The following IGSF11 variants were observed in gnomAD, a reference collection of about 807,000 sequenced individuals.
IGSF11 encodes the protein CXADR like 1.
A neutral mutation model predicts 41.0 loss-of-function variants in IGSF11; 22 were observed. The ratio of observed to expected loss-of-function variants is 0.54; its 90% CI spans 0.38 to 0.77. The LOEUF is 0.77. Ranked by LOEUF, IGSF11 falls within the 30% of genes least tolerant of loss-of-function variation. The pLI, the probability that IGSF11 is intolerant of heterozygous loss-of-function variation, is 0.00. For missense variants in IGSF11, 444 were observed against 530.8 expected (o/e 0.84, Z 1.61); for synonymous variants, 219 against 201.3 (o/e 1.09, Z -0.74).
At chr3:119,079,504 A>G (rs949537327) in intron 1 of IGSF11, among the ~76,000 whole-genome samples, 13 of 152,262 alleles carry the variant, frequency 8.5e-5, no homozygotes, top group Admixed American at 2.6e-4. Context: ...AAAGAGAACT[A>G]CCATTCAACC....
chr3:118,930,128 G>A lies in IGSF11; in HGVS notation c.200C>T (p.Ala67Val), dbSNP rs1307469562. The change falls in exon 2 of 7, where the codon GCC (alanine) becomes GTC (valine). Residue 67 changes from alanine to valine, a missense_variant. Coordinates refer to ENST00000393775, the MANE Select transcript of IGSF11 (RefSeq NM_001015887.3). Reference sequence around the variant, plus strand: ...CAGAAATACCTGTTCAGGTTGGTTGGCATTGGAGAGAGGAGTGACCATCCA... The same window carrying A: ...CAGAAATACCTGTTCAGGTTGGTTGACATTGGAGAGAGGAGTGACCATCCA... ...VIWMVTPLSN[A>V]NQPEQVILYQ... is the part of the protein sequence containing the mutation. The A allele has an allele frequency of 1.2e-6, 2 of 1,613,364 alleles. No individual in the cohort carries two copies. Among genetic ancestry groups the A allele is most frequent in the South Asian group, 2.2e-5 (2 of 90,944 alleles).
intron 1 of IGSF11, among the ~76,000 whole-genome samples, chr3:118,972,546 T>G (rs114565932): frequency 6.6e-6 from 1 of 152,180 alleles, no homozygotes; most frequent in Non-Finnish European, 1.5e-5. Flanking sequence ...TGATTTTGCA[T>G]AGTCTATGCA....
chr3:118,928,756 C>A, intron 2 of IGSF11, 40 bp from the exon 3 acceptor site: 1 of 1,442,240 alleles, frequency 6.9e-7, no homozygotes, highest in Middle Eastern at 1.8e-4. Context: ...GCCACTCTAT[C>A]CTCTCCTAGA....
At chr3:119,102,695 A>T (rs1001930739) in intron 1 of IGSF11, among the ~76,000 whole-genome samples, 1 of 152,076 alleles carries the variant, frequency 6.6e-6, no homozygotes, top group Admixed American at 6.5e-5. Context: ...TGTCCCTAAT[A>T]CTTCTAAATT....
chr3:119,104,238 C>G (rs901687546), intron 1 of IGSF11, among the ~76,000 whole-genome samples: 2 of 152,170 alleles, frequency 1.3e-5, no homozygotes, highest in Admixed American at 1.3e-4. Context: ...TCTGCATATT[C>G]TTGGAATAAA....
intron 1 of IGSF11, among the ~76,000 whole-genome samples, chr3:119,083,539 C>T (rs865878605): frequency 6.8e-6 from 1 of 146,578 alleles, no homozygotes; most frequent in South Asian, 2.1e-4. Context: ...CACACACAAA[C>T]ACACACACAC....
At chr3:119,080,799 G>A (rs60596886) in intron 1 of IGSF11, among the ~76,000 whole-genome samples, 3,035 of 152,192 alleles carry the variant, frequency 0.02, 104 homozygotes, top group African/African-American at 0.07. Flanking sequence ...CTATTTGAAA[G>A]TCCATGCTTA....
At chr3:118,918,866 A>G (rs1479492678) in intron 4 of IGSF11, among the ~76,000 whole-genome samples, 14 of 125,798 alleles carry the variant, frequency 1.1e-4, no homozygotes, top group African/African-American at 4.9e-4. Flanking sequence ...CTATACTACA[A>G]GGCTACAGTA....
At chr3:119,078,052 C>T (rs892877036) in intron 1 of IGSF11, among the ~76,000 whole-genome samples, 1 of 152,164 alleles carries the variant, frequency 6.6e-6, no homozygotes, top group African/African-American at 2.4e-5. Flanking sequence ...ATTCTGTGCT[C>T]ATGACTAGAA....
upstream of IGSF11, among the ~76,000 whole-genome samples, chr3:119,109,474 C>G (rs1453329126): frequency 6.6e-6 from 1 of 152,068 alleles, no homozygotes; most frequent in Non-Finnish European, 1.5e-5. Context: ...TTTGATTCTT[C>G]TCTCTTTTTT....
intron 4 of IGSF11, among the ~76,000 whole-genome samples, chr3:118,920,324 T>A (rs1941645859): frequency 6.7e-6 from 1 of 149,028 alleles, no homozygotes; most frequent in Non-Finnish European, 1.5e-5. Context: ...TCTTTAAATA[T>A]CAAAAAATAA....
intron 1 of IGSF11, among the ~76,000 whole-genome samples, chr3:118,986,787 G>C (rs2107645323): frequency 6.6e-6 from 1 of 152,218 alleles, no homozygotes; most frequent in Admixed American, 6.5e-5. Context: ...AGAAAGAGAA[G>C]AACACAGAAA....
At chr3:119,123,429 C>T (rs2077359429) in intron 1 of IGSF11, among the ~76,000 whole-genome samples, 1 of 152,210 alleles carries the variant, frequency 6.6e-6, no homozygotes, top group Non-Finnish European at 1.5e-5. Context: ...AACTCACTGA[C>T]CTGAAAACAA....
At position 118,943,179 on chromosome 3, in the gene IGSF11, G is replaced by C. The variant is rs971772560; in HGVS notation, c.53-12904C>G. 3.3e-5 allele frequency: 5 copies of C among 152,270 alleles called. 1 individual carries two copies. Among genetic ancestry groups the C allele is most frequent in the East Asian group, 1.9e-4 (1 of 5,190 alleles). 9.4% of individuals were successfully genotyped at this position (152,270 alleles called of 1,614,324 possible). On this transcript the variant is annotated intron_variant, in intron 1 of 6. Transcript: ENST00000393775. ...AGACCAGAGGGGTCCTCCCAGCATT[G>C]TGGCTCTGTAAGACAGACTGCAGCA...
At chr3:119,138,839 T>C (rs867926672) in intron 1 of IGSF11, among the ~76,000 whole-genome samples, 16 of 152,078 alleles carry the variant, frequency 1.1e-4, no homozygotes, top group Admixed American at 3.3e-4. Context: ...CTCATGGAGC[T>C]AGAGAGTAGA....
rs1361268086 is a variant in IGSF11, at chr3:118,928,670, A to T, written c.263T>A (p.Phe88Tyr). The change falls in exon 3 of 7, where the codon TTC becomes TAC. Residue 88 changes from phenylalanine (F) to tyrosine (Y), a missense_variant. By Grantham distance (22) the Phe-to-Tyr change is conservative. Coordinates refer to ENST00000393775, the MANE Select transcript of IGSF11 (RefSeq NM_001015887.3). ...GCCTGTAAATCCTACCCTACCGTGGAACCGGGGGGCACCATCAAACATCTG... is the reference window on the plus strand; with the variant it reads ...GCCTGTAAATCCTACCCTACCGTGGTACCGGGGGGCACCATCAAACATCTG... Reference protein sequence around the residue: ...GGQMFDGAPRFHGRVGFTGTM... With the variant: ...GGQMFDGAPRYHGRVGFTGTM... 6.2e-7 allele frequency: 1 copy of T among 1,614,094 alleles called. No homozygotes were observed. Among genetic ancestry groups the T allele is most frequent in the Non-Finnish European group, 8.5e-7 (1 of 1,179,982 alleles).
chr3:119,067,613 C>T (rs1007833677), intron 1 of IGSF11, among the ~76,000 whole-genome samples: 4 of 152,120 alleles, frequency 2.6e-5, no homozygotes, highest in African/African-American at 7.3e-5. Context: ...ACTTGACTAA[C>T]GTACTGTGGG....
At chr3:119,116,081 G>C (rs370548951) in intron 1 of IGSF11, among the ~76,000 whole-genome samples, 40 of 152,286 alleles carry the variant, frequency 2.6e-4, no homozygotes, top group African/African-American at 9.4e-4. Flanking sequence ...GCACAACAGA[G>C]TGCTCAGATA....
chr3:119,038,558 A>G (rs2107746012), upstream of IGSF11, among the ~76,000 whole-genome samples: 1 of 152,340 alleles, frequency 6.6e-6, no homozygotes, highest in East Asian at 1.9e-4. Flanking sequence ...GAACATTGTA[A>G]CGAAATGCTA....
Sources: gnomAD v4.1 joint callset for allele counts (sites outside exome capture counted in the v4.1 genomes callset) on GRCh38, gnomAD v4.1.1 for gene constraint, MANE v1.5 for transcripts, NCBI Gene and HGNC (gene_info 2026-07-23, HGNC 2026-07-21) for gene names.